The following SHANK2 variants were observed in gnomAD, a reference collection of about 807,000 sequenced individuals.
SHANK2 encodes SH3 and multiple ankyrin repeat domains protein 2.
SHANK2 carries 43 observed loss-of-function variants against 133.7 expected under a neutral mutation model. The observed-to-expected ratio is 0.32, with a 90% CI of 0.25 to 0.41. SHANK2 has a LOEUF of 0.41. Ranked by LOEUF, SHANK2 falls within the 10% of genes least tolerant of loss-of-function variation. The pLI, the probability that SHANK2 is intolerant of heterozygous loss-of-function variation, is 1.00. For synonymous variants in SHANK2, 1,017 were observed against 952.8 expected, an observed-to-expected ratio of 1.07 and a Z score of -1.24; for missense variants, 1,994 against 2,235.8, an observed-to-expected ratio of 0.89 and a Z score of 2.18.
chr11:70,710,463 A>G (rs1293880839), intron 14 of SHANK2, among the ~76,000 whole-genome samples: 3 of 152,204 alleles, frequency 2.0e-5, no homozygotes, highest in African/African-American at 7.2e-5. Flanking sequence ...GGAGCATATG[A>G]GGCCGGCGAG....
At chr11:70,865,307 G>A (rs1949335535) in intron 11 of SHANK2, among the ~76,000 whole-genome samples, 1 of 152,116 alleles carries the variant, frequency 6.6e-6, no homozygotes, top group African/African-American at 2.4e-5. Context: ...TTCTCTCACT[G>A]GACAAACCAT....
At chr11:70,862,019 A>C (rs1169795657) in intron 11 of SHANK2, among the ~76,000 whole-genome samples, 4 of 151,182 alleles carry the variant, frequency 2.6e-5, no homozygotes, top group African/African-American at 9.7e-5. Context: ...CCTGGGAAGG[A>C]TCCTGTCGCA....
At chr11:70,703,200 G>C (rs544441990) in intron 14 of SHANK2, among the ~76,000 whole-genome samples, 8 of 152,270 alleles carry the variant, frequency 5.3e-5, no homozygotes, top group East Asian at 1.9e-4. Context: ...TGCTTCACCT[G>C]TCTGAGCTCA....
chr11:71,188,354 A>AGGG lies in SHANK2; in HGVS notation c.-13+36342_-13+36343insCCC, dbSNP rs1320184204. ...AAGGTCAGCCCCAAACGCCCTCAGC[A>AGGG]GCCCATGCCCAGGCCTCAGTACACA... On this transcript the variant is annotated intron_variant, in intron 2 of 25. Transcript: ENST00000601538. The surrounding 1 kb of genome is among the most constrained non-coding windows in gnomAD (Gnocchi z 4.6). Among the ~76,000 whole-genome samples, 1 of 152,126 alleles carries AGGG rather than the reference A, an allele frequency of 6.6e-6. No individual in the cohort carries two copies. Among genetic ancestry groups the AGGG allele is most frequent in the African/African-American group, 2.4e-5 (1 of 41,418 alleles).
At chr11:71,163,334 G>C (rs1403620753) in intron 2 of SHANK2, among the ~76,000 whole-genome samples, 2 of 151,984 alleles carry the variant, frequency 1.3e-5, no homozygotes, top group African/African-American at 4.8e-5. Context: ...CATGGCACAG[G>C]GTCTGCCTGT....
At chr11:71,163,187 TTG>T (rs1306740996) in intron 2 of SHANK2, among the ~76,000 whole-genome samples, 1 of 149,510 alleles carries the variant, frequency 6.7e-6, no homozygotes, top group African/African-American at 2.5e-5. Context: ...AGAGTCATTA[TTG>T]TGTTTGTCTA....
chr11:71,247,934 T>TA (rs2135832728), intron 1 of SHANK2, among the ~76,000 whole-genome samples: 2 of 152,336 alleles, frequency 1.3e-5, no homozygotes, highest in East Asian at 3.9e-4. Flanking sequence ...GAGCCCAGCA[T>TA]GTCCCTGCTG....
At chr11:71,137,585 G>A (rs1555105018) in intron 3 of SHANK2, among the ~76,000 whole-genome samples, 1 of 152,162 alleles carries the variant, frequency 6.6e-6, no homozygotes, top group Non-Finnish European at 1.5e-5. Flanking sequence ...TTCTATCGGT[G>A]CCAGGGTGCT....
In SHANK2 at chr11:71,252,183, G is replaced by A. The variant is rs4625496; in HGVS notation, c.-113+242C>T. 0.013 allele frequency among the ~76,000 whole-genome samples: 1,933 copies of A among 152,236 alleles called. 42 individuals carry two copies. Among genetic ancestry groups the A allele is most frequent in the African/African-American group, 0.044 (1,844 of 41,560 alleles). On this transcript the variant is annotated intron_variant, in intron 1 of 25. Coordinates refer to ENST00000601538, the MANE Select transcript of SHANK2 (RefSeq NM_012309.5). This position sits in a 1 kb window ranked among gnomAD's most constrained non-coding sequence, Gnocchi z 6.3. ...GCTTTCGACACCGGCCCCTGCCCGG[G>A]AAGAAAGGCATGCAGGGGGAAGGGC...
chr11:70,636,653 G>A (rs1414202135), intron 17 of SHANK2, among the ~76,000 whole-genome samples: 1 of 151,082 alleles, frequency 6.6e-6, no homozygotes, highest in Non-Finnish European at 1.5e-5. Flanking sequence ...GTGAGCATAT[G>A]AATATATGTG....
At chr11:70,798,421 C>T (rs782801258) in intron 14 of SHANK2, 22 bp downstream of exon 14, 99 of 717,046 alleles carry the variant, frequency 1.4e-4, no homozygotes, top group Admixed American at 3.8e-4. Context: ...CGAGGGTGGG[C>T]GGCCACGAGC....
chr11:70,503,800 C>T (rs2059096350), intron 17 of SHANK2, among the ~76,000 whole-genome samples: 1 of 152,240 alleles, frequency 6.6e-6, no homozygotes, highest in South Asian at 2.1e-4. Context: ...TGGCCTCTGC[C>T]TCCCAGCCCC....
intron 21 of SHANK2, chr11:70,495,784 AC>A (rs1453964882): frequency 5.0e-6 from 1 of 198,158 alleles, no homozygotes; most frequent in Admixed American, 5.9e-5. Context: ...CTGGAGCCCA[AC>A]AAAACATCCC....
At chr11:70,687,395 C>T (rs1945179052) in intron 15 of SHANK2, among the ~76,000 whole-genome samples, 1 of 152,192 alleles carries the variant, frequency 6.6e-6, no homozygotes, top group Non-Finnish European at 1.5e-5. Flanking sequence ...ACGGATATTG[C>T]CCAGGGATGA....
At chr11:70,909,078 T>C (rs941677975) in intron 10 of SHANK2, among the ~76,000 whole-genome samples, 18 of 152,218 alleles carry the variant, frequency 1.2e-4, no homozygotes, top group Non-Finnish European at 1.9e-4. Context: ...AATAATTCTT[T>C]CATGTGGACC....
At chr11:70,841,724 C>T (rs1241662623) in intron 11 of SHANK2, among the ~76,000 whole-genome samples, 3 of 152,166 alleles carry the variant, frequency 2.0e-5, no homozygotes, top group African/African-American at 4.8e-5. Context: ...GTCTCCAGCC[C>T]GCAAAGCCAG....
At chr11:70,562,861 G>A (rs2059923179) in intron 17 of SHANK2, among the ~76,000 whole-genome samples, 1 of 151,582 alleles carries the variant, frequency 6.6e-6, no homozygotes, top group South Asian at 2.1e-4. Context: ...GCCTTCTTTT[G>A]GGTTGATAAT....
At chr11:70,631,396 A>ACACACC (rs1361290411) in intron 17 of SHANK2, among the ~76,000 whole-genome samples, 1 of 149,790 alleles carries the variant, frequency 6.7e-6, no homozygotes, top group Non-Finnish European at 1.5e-5. Flanking sequence ...ACACACACAC[A>ACACACC]CACACACACA....
chr11:71,166,224 G>A (rs1156886253), intron 2 of SHANK2, among the ~76,000 whole-genome samples: 2 of 152,154 alleles, frequency 1.3e-5, no homozygotes, highest in African/African-American at 2.4e-5. Flanking sequence ...CGGATGTCCT[G>A]GAACAAAAGG....
Sources: gnomAD v4.1 joint callset for allele counts (sites outside exome capture counted in the v4.1 genomes callset) on GRCh38, gnomAD v4.1.1 for gene constraint, Gnocchi (gnomAD v3.1) non-coding constraint, MANE v1.5 for transcripts, NCBI Gene and HGNC (gene_info 2026-07-23, HGNC 2026-07-21) for gene names.